Variants in GCN1 observed in about 807,000 individuals in gnomAD.
GCN1 encodes the protein GCN1 activator of EIF2AK4, also known as stalled ribosome sensor GCN1.
A neutral mutation model predicts 288.4 loss-of-function variants in GCN1; 90 were observed. The ratio of observed to expected loss-of-function variants is 0.31; its 90% confidence interval spans 0.26 to 0.37. GCN1 has a LOEUF of 0.37. Ranked by LOEUF, GCN1 falls within the 10% of genes least tolerant of loss-of-function variation. GCN1 has a pLI of 1.00. For synonymous variants in GCN1, 1,386 were observed against 1,420.2 expected (o/e 0.98, Z 0.54); for missense variants, 2,586 against 3,419.9 (o/e 0.76, Z 6.08).
intron 6 of GCN1, 38 bp downstream of exon 6, chr12:120,178,814 G>T (rs1471312510): frequency 1.9e-6 from 3 of 1,613,462 alleles, no homozygotes. Flanking sequence ...GAGTGGCATG[G>T]AAGAAGCAAT....
chr12:120,164,862 CTTGTT>C, intron 16 of GCN1, 141 bp from the exon 17 acceptor site: 1 of 491,162 alleles, frequency 2.0e-6, no homozygotes, highest in Non-Finnish European at 3.5e-6. Context: ...GAAATTACAG[CTTGTT>C]TTTTTTTTTT....
At chr12:120,136,894 G>T (rs537235652) in intron 50 of GCN1, among the ~76,000 whole-genome samples, 162 bp from the exon 51 acceptor site, 1 of 152,160 alleles carries the variant, frequency 6.6e-6, no homozygotes, top group Non-Finnish European at 1.5e-5. Flanking sequence ...GCTGGCTATG[G>T]AACGGTCTTG....
At chr12:120,185,346 A>C (rs1482614564) in intron 2 of GCN1, among the ~76,000 whole-genome samples, 5 of 152,186 alleles carry the variant, frequency 3.3e-5, no homozygotes, top group Non-Finnish European at 7.3e-5. Context: ...CTATAACTGG[A>C]GTGTTTCTGA....
intron 56 of GCN1, 102 bp downstream of exon 56, chr12:120,130,544 A>T: frequency 3.9e-6 from 3 of 771,758 alleles, no homozygotes; most frequent in Admixed American, 1.8e-5. Flanking sequence ...ACGGAGAACT[A>T]GCACACAACT....
intron 17 of GCN1, 46 bp from the exon 18 acceptor site, chr12:120,164,541 G>T (rs1878039307): frequency 1.2e-6 from 2 of 1,607,214 alleles, no homozygotes; most frequent in Non-Finnish European, 1.7e-6. Flanking sequence ...CCAAGAGCAG[G>T]GCTTTCCACA....
In GCN1 at chr12:120,153,924, G is replaced by A; in HGVS notation, c.3702-15C>T. ...CCAAGCCACACCTGGGAAAGAAGTG[G>A]GAGCACATCAGGAGGGGCAGTCAGG... On this transcript the variant is annotated splice_polypyrimidine_tract_variant and intron_variant, in intron 31 of 57. Transcript: ENST00000300648. This position sits in a 1 kb window ranked among gnomAD's most constrained non-coding sequence, Gnocchi z 4.4. The A allele has an allele frequency of 6.2e-7, 1 of 1,611,732 alleles. No individual in the cohort carries two copies. The highest frequency in any genetic ancestry group is 8.5e-7 in the Non-Finnish European group (1 of 1,178,560).
chr12:120,132,489 T>C (rs1290306152), intron 53 of GCN1, among the ~76,000 whole-genome samples: 1 of 152,116 alleles, frequency 6.6e-6, no homozygotes, highest in East Asian at 1.9e-4. Context: ...CCACAGAGTT[T>C]GTGTCATCTT....
At chr12:120,168,485 T>G in intron 15 of GCN1, 185 bp from the exon 16 acceptor site, 1 of 539,032 alleles carries the variant, frequency 1.9e-6, no homozygotes, top group South Asian at 2.2e-5. Context: ...TACGAAACTC[T>G]TCGGTGGCTC....
At chr12:120,194,654 G>T (rs966269832) in intron 1 of GCN1, 26 bp downstream of exon 1, 8 of 1,513,616 alleles carry the variant, frequency 5.3e-6, no homozygotes, top group East Asian at 5.3e-5. Flanking sequence ...CCCTGGCCGC[G>T]TTGGCCCCGC....
Position 120,153,366 on chromosome 12 carries a change from C to T in GCN1, c.3909G>A (p.Leu1303=), listed in dbSNP as rs376676493. The change falls in exon 33 of 58, where the codon CTG becomes CTA. Residue 1303 remains leucine (L), a synonymous_variant. Coordinates refer to ENST00000300648, the MANE Select transcript of GCN1 (RefSeq NM_006836.2). This position sits in a 1 kb window ranked among gnomAD's most constrained non-coding sequence, Gnocchi z 4.4. ...AGCTGGCATCATTGGGCGCGTTCTTCAGGAACTCCTCGAATACTGGCAACA... is the reference window on the plus strand; with the variant it reads ...AGCTGGCATCATTGGGCGCGTTCTTTAGGAACTCCTCGAATACTGGCAACA... The part of the protein sequence containing the change: ...NSLLPVFEEF[L]KNAPNDASYD... 2 of 1,614,220 alleles carry T rather than the reference C, an allele frequency of 1.2e-6. No individual in the cohort carries two copies. Among genetic ancestry groups the T allele is most frequent in the African/African-American group, 1.3e-5 (1 of 75,060 alleles).
chr12:120,164,538 C>G (rs780408346), intron 17 of GCN1, 43 bp from the exon 18 acceptor site: 2 of 1,607,120 alleles, frequency 1.2e-6, no homozygotes, highest in East Asian at 4.5e-5. Flanking sequence ...AGGCCAAGAG[C>G]AGGGCTTTCC....
At position 120,147,153 on chromosome 12, in the gene GCN1, T is replaced by A; in HGVS notation, c.4846A>T (p.Ile1616Phe). 1 of 1,613,194 alleles carries A rather than the reference T, an allele frequency of 6.2e-7. No homozygotes were observed. Among genetic ancestry groups the A allele is most frequent in the Non-Finnish European group, 8.5e-7 (1 of 1,179,370 alleles). ...HFIDAPSLAL[I>F]MPIVQRAFQD... ...AAGGCTCTCTGGACAATGGGCATGA[T>A]GAGGGCCAGGGATGGGGCATCAATG... Residue 1616 changes from isoleucine to phenylalanine, a missense_variant, in exon 38 of 58, where the codon ATC (isoleucine) becomes TTC (phenylalanine). By Grantham distance (21) the Ile-to-Phe change is conservative. Around this residue, in one of 8 missense-constraint regions of GCN1, gnomAD observed 371 missense variants for 572.6 expected, o/e 0.65. Coordinates refer to ENST00000300648, the MANE Select transcript of GCN1 (RefSeq NM_006836.2).
At position 120,143,531 on chromosome 12, in the gene GCN1, G is replaced by A. The variant is rs1877264188; in HGVS notation, c.5496-590C>T. Among the ~76,000 whole-genome samples, 5 of 150,144 alleles carry A rather than the reference G, an allele frequency of 3.3e-5. No homozygotes were observed. The South Asian group carries it at 1.1e-3, about 32-fold the overall frequency. On this transcript the variant is annotated intron_variant, in intron 42 of 57. Coordinates refer to ENST00000300648, the MANE Select transcript of GCN1 (RefSeq NM_006836.2). ...CGGGAGGCAGAGGTTGCGGTGAGCC[G>A]AGATCATGCCACTGCACTCCAGCCT... is the stretch of plus-strand genomic sequence containing the variant.
Position 120,153,734 on chromosome 12 carries a change from AC to A in GCN1, c.3867+9del. The A allele has an allele frequency of 6.2e-7, 1 of 1,612,562 alleles. No individual in the cohort carries two copies. The highest frequency in any genetic ancestry group is 8.5e-7 in the Non-Finnish European group (1 of 1,179,240). ...TTCCCGTGGGTGTTCCCTGGCTGGG[AC>A]CCCCTTACCTTCCCATGAGTGTTGA... On this transcript the variant is annotated intron_variant, in intron 32 of 57. Transcript: ENST00000300648. The surrounding 1 kb of genome is among the most constrained non-coding windows in gnomAD (Gnocchi z 4.4).
At chr12:120,183,964 C>A in intron 4 of GCN1, 148 bp downstream of exon 4, 1 of 748,812 alleles carries the variant, frequency 1.3e-6, no homozygotes, top group Non-Finnish European at 2.2e-6. Context: ...CTTGCTTCCA[C>A]TGTTTCCCAA....
In GCN1 at chr12:120,190,343, G is replaced by T. The variant is rs767055962; in HGVS notation, c.76C>A (p.Arg26=). The change falls in exon 2 of 58, where the codon CGG becomes AGG. Residue 26 remains arginine, a synonymous_variant. Transcript: ENST00000300648. ...GKVTTASVKE[R]REILSELGKC... Reference sequence around the variant, plus strand: ...CCAAGTTCACTGAGGATTTCTCTCCGTTCCTTTACACTGGCTGTTGTCACC... The same window carrying T: ...CCAAGTTCACTGAGGATTTCTCTCCTTTCCTTTACACTGGCTGTTGTCACC... 1.9e-6 allele frequency: 3 copies of T among 1,610,428 alleles called. No individual in the cohort carries two copies. The highest frequency in any genetic ancestry group is 2.5e-6 in the Non-Finnish European group (3 of 1,176,852).
rs772661323 is a variant in GCN1 at position 120,160,134 on chromosome 12, C to T, written c.2550+8G>A. On this transcript the variant is annotated splice_region_variant and intron_variant, in intron 23 of 57. Transcript: ENST00000300648. Reference sequence around the variant, plus strand: ...CGGCTTGAGCATGTGGCGGAGGTGGCCACTCACCTCCTGCAGCCGCCTCCG... The same window carrying T: ...CGGCTTGAGCATGTGGCGGAGGTGGTCACTCACCTCCTGCAGCCGCCTCCG... 6 of 1,598,072 alleles carry T rather than the reference C, an allele frequency of 3.8e-6. No homozygotes were observed. In the African/African-American group the frequency reaches 6.7e-5, roughly 18 times the overall value.
At chr12:120,179,042 T>A in intron 5 of GCN1, 92 bp from the exon 6 acceptor site, 1 of 1,042,502 alleles carries the variant, frequency 9.6e-7, no homozygotes, top group South Asian at 1.4e-5. Flanking sequence ...CATCAGACCC[T>A]CCAAATCCTG....
chr12:120,164,994 C>CACATATATATACATAT (rs1197282233), intron 16 of GCN1, among the ~76,000 whole-genome samples: 4 of 106,430 alleles, frequency 3.8e-5, no homozygotes, highest in Non-Finnish European at 5.3e-5. Flanking sequence ...TACATATATA[C>CACATATATATACATAT]ACATATATAC....
Sources: gnomAD v4.1 joint callset for allele counts (sites outside exome capture counted in the v4.1 genomes callset) on GRCh38, gnomAD v4.1.1 for gene constraint, gnomAD v4.1.1 regional missense constraint, Gnocchi (gnomAD v3.1) non-coding constraint, MANE v1.5 for transcripts, NCBI Gene and HGNC (gene_info 2026-07-23, HGNC 2026-07-21) for gene names.